The following MEGF9 variants were observed in gnomAD, a reference collection of about 807,000 sequenced individuals.
MEGF9 encodes multiple EGF like domains 9.
Under a neutral mutation model 46.8 loss-of-function variants are expected in MEGF9, and 6 were observed. The observed-to-expected ratio is 0.13, with a 90% CI of 0.07 to 0.25. The LOEUF (loss-of-function observed/expected upper bound fraction) is 0.25, where lower values mean the gene tolerates loss of function less well. Among genes scored for constraint, MEGF9 ranks in the 10% least tolerant of loss-of-function variants. The probability of loss-of-function intolerance (pLI) is 1.00; values close to 1 mark genes in which losing one functional copy is unlikely to be tolerated. For missense variants in MEGF9, 683 were observed against 792.4 expected, an observed-to-expected ratio of 0.86 and a Z score of 1.66; for synonymous variants, 302 against 330.7, an observed-to-expected ratio of 0.91 and a Z score of 0.94.
intron 2 of MEGF9, among the ~76,000 whole-genome samples, chr9:120,636,327 T>C (rs575764945): frequency 6.6e-6 from 1 of 152,310 alleles, no homozygotes; most frequent in South Asian, 2.1e-4. Context: ...AAGGTGGTGG[T>C]GACTCTGTTT....
intron 1 of MEGF9, among the ~76,000 whole-genome samples, chr9:120,710,027 C>T (rs112932884): frequency 0.018 from 2,112 of 116,210 alleles, 59 homozygotes; most frequent in African/African-American, 0.063. Context: ...AGCGAAACTC[C>T]GTCTCAAAAA....
intron 2 of MEGF9, among the ~76,000 whole-genome samples, chr9:120,648,194 T>C (rs1327442901): frequency 6.6e-6 from 1 of 152,028 alleles, no homozygotes; most frequent in Non-Finnish European, 1.5e-5. Context: ...TCTTGTTAAA[T>C]ATTCTTCAAT....
chr9:120,607,057 A>C (rs1324355104), intron 5 of MEGF9, among the ~76,000 whole-genome samples: 1 of 152,160 alleles, frequency 6.6e-6, no homozygotes, highest in Non-Finnish European at 1.5e-5. Flanking sequence ...GAAAGATGAC[A>C]GTTGCCATAG....
chr9:120,659,613 G>T, intron 1 of MEGF9, 38 bp from the exon 2 acceptor site: 1 of 1,450,022 alleles, frequency 6.9e-7, no homozygotes, highest in South Asian at 1.3e-5. Flanking sequence ...TACCAACTAA[G>T]ATTTAATGCC....
chr9:120,634,488 G>A (rs1434149590), intron 2 of MEGF9, among the ~76,000 whole-genome samples: 13 of 55,974 alleles, frequency 2.3e-4, no homozygotes, highest in Admixed American at 9.0e-4. Flanking sequence ...ACGGAGTCTC[G>A]CTGTCGCCCA....
At chr9:120,705,996 ACT>A (rs1441281002) in intron 1 of MEGF9, among the ~76,000 whole-genome samples, 3 of 152,150 alleles carry the variant, frequency 2.0e-5, no homozygotes, top group African/African-American at 7.2e-5. Context: ...ATCATCTAAC[ACT>A]GTCTTTCAGC....
chr9:120,637,704 T>C (rs2043584243), intron 2 of MEGF9, among the ~76,000 whole-genome samples: 1 of 143,450 alleles, frequency 7.0e-6, no homozygotes, highest in Non-Finnish European at 1.5e-5. Context: ...AGGCAGAGAA[T>C]TGCTTGAACC....
intron 1 of MEGF9, among the ~76,000 whole-genome samples, chr9:120,704,244 G>A (rs1228465419): frequency 6.6e-6 from 1 of 151,698 alleles, no homozygotes; most frequent in Non-Finnish European, 1.5e-5. Flanking sequence ...TGAGGCAGGA[G>A]AACTGCTAGA....
At chr9:120,628,904 T>A (rs139803023) in intron 2 of MEGF9, among the ~76,000 whole-genome samples, 29 of 152,148 alleles carry the variant, frequency 1.9e-4, no homozygotes, top group African/African-American at 6.8e-4. Context: ...AATAACCACC[T>A]CTCAATGATA....
chr9:120,695,080 C>A (rs2043868794), intron 1 of MEGF9, among the ~76,000 whole-genome samples: 1 of 150,972 alleles, frequency 6.6e-6, no homozygotes, highest in South Asian at 2.1e-4. Context: ...AAGACAAAAA[C>A]CCCTGCCTCT....
In MEGF9 at chr9:120,659,319, T is replaced by C; in HGVS notation, c.803+55A>G. On this transcript the variant is annotated intron_variant, in intron 2 of 5. Transcript: ENST00000373930. ...GTATGGTCCTTGAGAGTAGCAGCCTTTTTTTTCCCCTTGCTAAAATAAAAT... is the reference window on the plus strand; with the variant it reads ...GTATGGTCCTTGAGAGTAGCAGCCTCTTTTTTCCCCTTGCTAAAATAAAAT... The C allele has an allele frequency of 2.0e-6, 3 of 1,523,954 alleles. No individual in the cohort carries two copies. In the South Asian group the frequency reaches 3.6e-5, roughly 18 times the overall value. 94.4% of individuals were successfully genotyped at this position (1,523,954 alleles called of 1,614,324 possible).
At chr9:120,658,690 T>C (rs576664831) in intron 2 of MEGF9, among the ~76,000 whole-genome samples, 25 of 152,338 alleles carry the variant, frequency 1.6e-4, no homozygotes, top group Admixed American at 1.3e-3. Flanking sequence ...TTTTTTGACT[T>C]GGGGTCCACA....
chr9:120,711,341 A>T (rs952106027), intron 1 of MEGF9, among the ~76,000 whole-genome samples: 4 of 152,344 alleles, frequency 2.6e-5, no homozygotes, highest in African/African-American at 7.2e-5. Context: ...TATTTTTTTT[A>T]AAAGTCCATG....
chr9:120,609,306 TC>T (rs1387737990), intron 4 of MEGF9, among the ~76,000 whole-genome samples: 1 of 12,530 alleles, frequency 8.0e-5, no homozygotes, highest in Non-Finnish European at 2.9e-4. Context: ...CTCTTGTCTC[TC>T]TTTCTAGTTC....
At chr9:120,711,340 T>A (rs867830271) in intron 1 of MEGF9, among the ~76,000 whole-genome samples, 5 of 152,220 alleles carry the variant, frequency 3.3e-5, no homozygotes, top group Admixed American at 6.5e-5. Context: ...ATATTTTTTT[T>A]AAAAGTCCAT....
chr9:120,658,003 T>TA lies in MEGF9; in HGVS notation c.803+1370dup, dbSNP rs1261529781. On this transcript the variant is annotated intron_variant, in intron 2 of 5. Coordinates refer to ENST00000373930, the MANE Select transcript of MEGF9 (RefSeq NM_001080497.3). The stretch of plus-strand genomic sequence containing the variant: ...AGTTCTCTTCTACTTTTTTTTTTTT[T>TA]AAGACAGAGTCTCCCTCTCTCACCA... Among the ~76,000 whole-genome samples the TA allele has an allele frequency of 1.9e-4, 29 of 152,100 alleles. 1 individual carries two copies. Among genetic ancestry groups the TA allele is most frequent in the African/African-American group, 6.0e-4 (25 of 41,496 alleles).
chr9:120,653,249 AT>A (rs2043661448), intron 2 of MEGF9, among the ~76,000 whole-genome samples: 1 of 152,206 alleles, frequency 6.6e-6, no homozygotes, highest in Admixed American at 6.5e-5. Context: ...GGCTATGTGG[AT>A]TTAGAGCTCC....
chr9:120,620,720 T>C (rs1397507241), intron 3 of MEGF9, among the ~76,000 whole-genome samples: 2 of 152,010 alleles, frequency 1.3e-5, no homozygotes, highest in South Asian at 2.1e-4. Flanking sequence ...GGAAAGATCA[T>C]ATATGAGAAC....
chr9:120,684,167 T>C (rs756929543), intron 1 of MEGF9, among the ~76,000 whole-genome samples: 2 of 152,156 alleles, frequency 1.3e-5, no homozygotes, highest in Non-Finnish European at 2.9e-5. Context: ...TTGTAGCAAT[T>C]TGACAGGAGA....
Sources: gnomAD v4.1 joint callset for allele counts (sites outside exome capture counted in the v4.1 genomes callset) on GRCh38, gnomAD v4.1.1 for gene constraint, MANE v1.5 for transcripts, NCBI Gene and HGNC (gene_info 2026-07-23, HGNC 2026-07-21) for gene names.